BPTF: variants seen among roughly 807,000 people sequenced by gnomAD.
BPTF encodes nucleosome-remodeling factor subunit BPTF.
In BPTF, 18 loss-of-function variants were observed where a neutral mutation model predicts 292.5. That is an observed-to-expected ratio of 0.06 (90% confidence interval 0.04 to 0.09). The LOEUF (loss-of-function observed/expected upper bound fraction) is 0.09, where lower values mean the gene tolerates loss of function less well. Ranked by LOEUF, BPTF falls within the 10% of genes least tolerant of loss-of-function variation. BPTF has a pLI of 1.00. For synonymous variants in BPTF, 1,225 were observed against 1,251.9 expected (o/e 0.98, Z 0.45); for missense variants, 2,726 against 3,498.7 (o/e 0.78, Z 5.57).
At chr17:67,865,051 C>T (rs2059318583) in intron 2 of BPTF, among the ~76,000 whole-genome samples, 1 of 152,114 alleles carries the variant, frequency 6.6e-6, no homozygotes, top group African/African-American at 2.4e-5. Context: ...TGTGATCCGC[C>T]CGCCTCAGCC....
At chr17:67,850,473 GTTC>G (rs1598232249) in intron 1 of BPTF, among the ~76,000 whole-genome samples, 1 of 152,152 alleles carries the variant, frequency 6.6e-6, no homozygotes, top group East Asian at 1.9e-4. Flanking sequence ...GGTTCAAGCG[GTTC>G]TTCTGCCTCA....
intron 11 of BPTF, among the ~76,000 whole-genome samples, chr17:67,917,714 C>T (rs59948838): frequency 0.1 from 15,344 of 151,964 alleles, 2,647 homozygotes; most frequent in African/African-American, 0.35. Context: ...CTCACTGCAG[C>T]CTCTGCCTCC....
chr17:67,898,661 CT>C (rs11289448), intron 7 of BPTF, among the ~76,000 whole-genome samples: 30,022 of 136,640 alleles, frequency 0.22, 3,403 homozygotes, highest in East Asian at 0.66. Flanking sequence ...TATATGAAGT[CT>C]TTTTTTTTTT....
intron 14 of BPTF, among the ~76,000 whole-genome samples, chr17:67,923,471 CTTTTTTTTTTTT>C (rs58462646): frequency 1.3e-4 from 9 of 67,518 alleles, no homozygotes; most frequent in South Asian, 6.6e-4. Flanking sequence ...CTCTCTCTGT[CTTTTTTTTTTTT>C]TTTTTTTTTT....
chr17:67,868,646 G>C (rs2145539938), intron 3 of BPTF, among the ~76,000 whole-genome samples: 1 of 152,248 alleles, frequency 6.6e-6, no homozygotes, highest in Non-Finnish European at 1.5e-5. Context: ...TTAAGTGCCT[G>C]GTTCTGAGTT....
chr17:67,964,729 G>C (rs538551634), intron 25 of BPTF, among the ~76,000 whole-genome samples: 2 of 152,262 alleles, frequency 1.3e-5, no homozygotes, highest in African/African-American at 2.4e-5. Context: ...GGCCGGGCAT[G>C]GTGGCTCATG....
At chr17:67,858,520 A>C in intron 2 of BPTF, among the ~76,000 whole-genome samples, 1 of 143,116 alleles carries the variant, frequency 7.0e-6, no homozygotes, top group East Asian at 2.0e-4. Context: ...GCGCCACTGT[A>C]CTCCAGCCTG....
chr17:67,883,404 A>T (rs1444096395), intron 4 of BPTF, among the ~76,000 whole-genome samples: 1 of 152,198 alleles, frequency 6.6e-6, no homozygotes, highest in Admixed American at 6.5e-5. Context: ...TAGGGATTGT[A>T]TTTCTATAAT....
intron 1 of BPTF, among the ~76,000 whole-genome samples, chr17:67,849,077 C>T (rs904639441): frequency 2.0e-4 from 30 of 152,176 alleles, no homozygotes; most frequent in African/African-American, 7.2e-4. Flanking sequence ...TTTTGCTTCC[C>T]TTGCATGAGT....
At chr17:67,921,228 A>G (rs1016955089) in intron 13 of BPTF, among the ~76,000 whole-genome samples, 43 of 147,152 alleles carry the variant, frequency 2.9e-4, no homozygotes, top group African/African-American at 8.4e-4. Context: ...AAAAAAAAAA[A>G]AAAAAAAGAA....
intron 27 of BPTF, among the ~76,000 whole-genome samples, chr17:67,981,240 A>G (rs566447556): frequency 7.9e-5 from 12 of 152,306 alleles, no homozygotes; most frequent in South Asian, 4.1e-4. Context: ...GGGAATTTCT[A>G]TTGTTTTCCA....
At chr17:67,857,641 A>AT (rs2058783514) in intron 2 of BPTF, among the ~76,000 whole-genome samples, 1 of 150,190 alleles carries the variant, frequency 6.7e-6, no homozygotes. Context: ...TAATTTTTGC[A>AT]TTTTTTGTAG....
chr17:67,966,753 G>A, intron 26 of BPTF, 97 bp downstream of exon 26: 1 of 1,087,708 alleles, frequency 9.2e-7, no homozygotes, highest in Non-Finnish European at 1.3e-6. Context: ...AGCAAGGCTG[G>A]TGGGGGTATA....
intron 20 of BPTF, 179 bp downstream of exon 20, chr17:67,944,551 A>G: frequency 1.6e-6 from 1 of 636,328 alleles, no homozygotes; most frequent in East Asian, 2.8e-5. Context: ...ATTCTTACAG[A>G]CTCCCTGTTA....
chr17:67,825,691 T>G lies in BPTF; in HGVS notation c.-34T>G. On this transcript the variant is annotated 5_prime_UTR_variant, in exon 1 of 28. Coordinates refer to ENST00000306378, the MANE Select transcript of BPTF (RefSeq NM_182641.4). ...CCCCCCCTGCGCCCGCCCCTCCCCC[T>G]TCGCTTTCCTTCTCCCCCCGCCTCG... The G allele has an allele frequency of 3.0e-5, 7 of 236,264 alleles. No individual in the cohort carries two copies. The highest frequency in any genetic ancestry group is 7.8e-4 in the East Asian group (2 of 2,554). 14.6% of individuals were successfully genotyped at this position (236,264 alleles called of 1,614,324 possible).
At chr17:67,950,878 G>A (rs1555678238) in intron 23 of BPTF, 1 of 151,236 alleles carries the variant, frequency 6.6e-6, no homozygotes, top group African/African-American at 2.4e-5. Flanking sequence ...TCAGTTACAA[G>A]ATAAGCATTG....
At chr17:67,938,110 G>A (rs997696790) in intron 18 of BPTF, among the ~76,000 whole-genome samples, 1 of 152,132 alleles carries the variant, frequency 6.6e-6, no homozygotes, top group Non-Finnish European at 1.5e-5. Context: ...ACAGACCCTC[G>A]GAGTACAGTC....
At chr17:67,900,183 C>T (rs986675411) in intron 7 of BPTF, among the ~76,000 whole-genome samples, 3 of 152,094 alleles carry the variant, frequency 2.0e-5, no homozygotes, top group African/African-American at 7.2e-5. Flanking sequence ...CGGCTCACTG[C>T]AACCTCCACC....
chr17:67,852,137 A>G (rs908902199), intron 1 of BPTF, among the ~76,000 whole-genome samples: 5 of 152,216 alleles, frequency 3.3e-5, no homozygotes, highest in Middle Eastern at 3.4e-3. Flanking sequence ...ACTGTAGTCT[A>G]TGTTCAATTC....
Sources: gnomAD v4.1 joint callset for allele counts (sites outside exome capture counted in the v4.1 genomes callset) on GRCh38, gnomAD v4.1.1 for gene constraint, MANE v1.5 for transcripts, NCBI Gene and HGNC (gene_info 2026-07-23, HGNC 2026-07-21) for gene names.